Variants in HCN1 observed in about 807,000 individuals in gnomAD.
HCN1 encodes potassium/sodium hyperpolarization-activated cyclic nucleotide-gated channel 1.
In HCN1, 13 loss-of-function variants were observed where a neutral mutation model predicts 78.9. The ratio of observed to expected loss-of-function variants is 0.16; its 90% confidence interval spans 0.11 to 0.26. The LOEUF is 0.26. Ranked by LOEUF, HCN1 falls within the 10% of genes least tolerant of loss-of-function variation. HCN1 has a pLI of 1.00. For synonymous variants in HCN1, 552 were observed against 455.5 expected (o/e 1.21, Z -2.70); for missense variants, 810 against 1,154.3 (o/e 0.70, Z 4.32).
At chr5:45,528,152 T>G (rs985198341) in intron 2 of HCN1, among the ~76,000 whole-genome samples, 8 of 151,954 alleles carry the variant, frequency 5.3e-5, no homozygotes, top group Non-Finnish European at 1.2e-4. Context: ...AAAGATGAAC[T>G]TTTTAAGCAA....
chr5:45,373,639 G>A (rs1007480287), intron 4 of HCN1, among the ~76,000 whole-genome samples: 12 of 125,576 alleles, frequency 9.6e-5, no homozygotes, highest in Non-Finnish European at 1.4e-4. Context: ...CGGTATATAC[G>A]TCATCTATAA....
At chr5:45,519,020 C>G (rs995420688) in intron 2 of HCN1, among the ~76,000 whole-genome samples, 2 of 151,424 alleles carry the variant, frequency 1.3e-5, no homozygotes, top group Admixed American at 6.6e-5. Flanking sequence ...TCACAGAGGG[C>G]CCTAAGACCA....
At chr5:45,615,594 C>T (rs767527527) in intron 2 of HCN1, among the ~76,000 whole-genome samples, 32 of 151,800 alleles carry the variant, frequency 2.1e-4, no homozygotes, top group African/African-American at 6.5e-4. Flanking sequence ...TCGCCTGAAG[C>T]CCCTTGATAA....
intron 6 of HCN1, among the ~76,000 whole-genome samples, chr5:45,300,162 G>T (rs1231199262): frequency 6.6e-6 from 1 of 151,922 alleles, no homozygotes; most frequent in Non-Finnish European, 1.5e-5. Context: ...CCATCTTTGT[G>T]CATAATAACA....
chr5:45,513,607 G>T (rs968631014), intron 2 of HCN1, among the ~76,000 whole-genome samples: 1 of 152,164 alleles, frequency 6.6e-6, no homozygotes, highest in Non-Finnish European at 1.5e-5. Flanking sequence ...TAGAACAGCA[G>T]TGGCATGTGA....
At chr5:45,314,782 G>A (rs957896109) in intron 5 of HCN1, among the ~76,000 whole-genome samples, 4 of 152,016 alleles carry the variant, frequency 2.6e-5, no homozygotes, top group African/African-American at 9.7e-5. Context: ...TGATAAAACA[G>A]ACTTTAAACC....
In HCN1 at chr5:45,696,109, C is replaced by G; in HGVS notation, c.-16G>C. 2 of 1,325,122 alleles carry G rather than the reference C, an allele frequency of 1.5e-6. No homozygotes were observed. Among genetic ancestry groups the G allele is most frequent in the Non-Finnish European group, 9.8e-7 (1 of 1,025,416 alleles). The allele number at this position is 1,325,122 out of a possible 1,614,324, so 82.1% of individuals were successfully genotyped here. A position where few individuals can be genotyped will look rare whatever the true frequency, so the allele number is the denominator to read the frequency against. On this transcript the variant is annotated 5_prime_UTR_variant, in exon 1 of 8. Coordinates refer to ENST00000303230, the MANE Select transcript of HCN1 (RefSeq NM_021072.4). The stretch of plus-strand genomic sequence containing the variant: ...CTCCTTCCATGCCCGGAGGACGCGG[C>G]CGGCGACGGCGCGGGCTCCAGACTC...
At chr5:45,668,516 A>G (rs1260647928) in intron 1 of HCN1, among the ~76,000 whole-genome samples, 2 of 151,834 alleles carry the variant, frequency 1.3e-5, no homozygotes, top group African/African-American at 4.8e-5. Flanking sequence ...TTTCTTCATA[A>G]ATTACCCAGT....
intron 2 of HCN1, among the ~76,000 whole-genome samples, chr5:45,551,256 T>C (rs989920787): frequency 1.1e-4 from 17 of 151,920 alleles, no homozygotes; most frequent in African/African-American, 3.1e-4. Flanking sequence ...TAAGCACTAA[T>C]AGACAGCAAA....
At chr5:45,539,554 A>C (rs1743047586) in intron 2 of HCN1, among the ~76,000 whole-genome samples, 1 of 150,570 alleles carries the variant, frequency 6.6e-6, no homozygotes, top group South Asian at 2.1e-4. Flanking sequence ...AATCCCAGCC[A>C]CTCGGGAGGC....
In HCN1 at chr5:45,262,712, G is replaced by A. The variant is rs934319953; in HGVS notation, c.1882C>T (p.His628Tyr). ...ENEILKQIVK[H>Y]DREMVQAIAP... ...ATTGCCTGCACCATCTCCCTGTCAT[G>A]TTTCACAATCTGCTTGAGGATTTCG... is the stretch of plus-strand genomic sequence containing the variant. Residue 628 changes from histidine (H) to tyrosine (Y), a missense_variant, in exon 8 of 8, where the codon CAT becomes TAT. His to Tyr is a moderately conservative substitution (Grantham distance 83). This residue lies in a region of HCN1 where 398 missense variants were observed against 381.3 expected (regional missense o/e 1.04). Coordinates refer to ENST00000303230, the MANE Select transcript of HCN1 (RefSeq NM_021072.4). 3 of 1,614,130 alleles carry A rather than the reference G, an allele frequency of 1.9e-6. No individual in the cohort carries two copies. Among genetic ancestry groups the A allele is most frequent in the Non-Finnish European group, 2.5e-6 (3 of 1,180,028 alleles).
chr5:45,492,892 A>C (rs1436428628), intron 2 of HCN1, among the ~76,000 whole-genome samples: 1 of 152,114 alleles, frequency 6.6e-6, no homozygotes, highest in Non-Finnish European at 1.5e-5. Flanking sequence ...CATGAGAAGA[A>C]ACTAGAGTAT....
intron 2 of HCN1, among the ~76,000 whole-genome samples, chr5:45,494,812 A>G (rs1262237700): frequency 6.6e-6 from 1 of 152,174 alleles, no homozygotes; most frequent in East Asian, 1.9e-4. Context: ...TCAGCTTTCT[A>G]CATATGGCTA....
intron 2 of HCN1, among the ~76,000 whole-genome samples, chr5:45,498,420 T>A (rs972565070): frequency 3.9e-5 from 6 of 152,204 alleles, no homozygotes; most frequent in Non-Finnish European, 5.9e-5. Context: ...TTCTCGAGCC[T>A]TGGTTTTCAG....
At chr5:45,563,888 C>G (rs1743655228) in intron 2 of HCN1, among the ~76,000 whole-genome samples, 1 of 152,072 alleles carries the variant, frequency 6.6e-6, no homozygotes, top group Non-Finnish European at 1.5e-5. Context: ...TTTTGAAGAG[C>G]TTTCTTCTCC....
chr5:45,435,187 T>C (rs1300090548), intron 3 of HCN1, among the ~76,000 whole-genome samples: 1 of 152,096 alleles, frequency 6.6e-6, no homozygotes, highest in Non-Finnish European at 1.5e-5. Context: ...ATCACTAATT[T>C]ATATATTTAA....
chr5:45,312,757 C>G (rs1315952677), intron 5 of HCN1, among the ~76,000 whole-genome samples: 1 of 152,200 alleles, frequency 6.6e-6, no homozygotes, highest in Non-Finnish European at 1.5e-5. Context: ...GCCCACAGAG[C>G]CTTGCTCATT....
intron 1 of HCN1, among the ~76,000 whole-genome samples, chr5:45,671,400 T>C (rs888190538): frequency 1.3e-5 from 2 of 151,280 alleles, no homozygotes; most frequent in African/African-American, 4.8e-5. Context: ...TAAAGTACTA[T>C]ATATAGTACT....
chr5:45,333,282 T>C (rs1038776875), intron 5 of HCN1, among the ~76,000 whole-genome samples: 2 of 151,866 alleles, frequency 1.3e-5, no homozygotes. Context: ...CATTTGTATG[T>C]CTTCTTCTGA....
Sources: allele counts gnomAD v4.1 joint callset (sites outside exome capture counted in the v4.1 genomes callset), GRCh38; gene constraint gnomAD v4.1.1; regional missense constraint gnomAD v4.1.1; transcripts MANE v1.5; gene names NCBI Gene and HGNC (gene_info 2026-07-23, HGNC 2026-07-21).